SIPA1L1: variants seen among roughly 807,000 people sequenced by gnomAD.
SIPA1L1 encodes the protein signal induced proliferation associated 1 like 1, also known as signal-induced proliferation-associated 1-like protein 1.
Under a neutral mutation model 162.7 loss-of-function variants are expected in SIPA1L1, and 26 were observed. The observed-to-expected ratio is 0.16, with a 90% CI of 0.12 to 0.22. The LOEUF (loss-of-function observed/expected upper bound fraction) is 0.22, where lower values mean the gene tolerates loss of function less well. Among genes scored for constraint, SIPA1L1 ranks in the 10% least tolerant of loss-of-function variants. The pLI is 1.00. For missense variants in SIPA1L1, 1,874 were observed against 2,241.0 expected (o/e 0.84, Z 3.31); for synonymous variants, 829 against 837.4 (o/e 0.99, Z 0.17).
chr14:71,667,861 C>T (rs567626161), intron 10 of SIPA1L1, among the ~76,000 whole-genome samples: 5 of 152,072 alleles, frequency 3.3e-5, no homozygotes, highest in African/African-American at 7.2e-5. Context: ...GTCAGGAGAT[C>T]GAGACCATCC....
At chr14:71,595,499 C>T (rs2035928698) in intron 5 of SIPA1L1, among the ~76,000 whole-genome samples, 1 of 152,200 alleles carries the variant, frequency 6.6e-6, no homozygotes, top group African/African-American at 2.4e-5. Flanking sequence ...CATCTGCTTC[C>T]ACTTTCATCT....
At chr14:71,706,793 G>T (rs1261565905) in intron 16 of SIPA1L1, among the ~76,000 whole-genome samples, 3 of 152,160 alleles carry the variant, frequency 2.0e-5, no homozygotes, top group Admixed American at 1.3e-4. Flanking sequence ...TAGCACTTTG[G>T]AATGCCTAGG....
At chr14:71,583,556 C>A (rs988473814) in intron 4 of SIPA1L1, among the ~76,000 whole-genome samples, 1 of 152,060 alleles carries the variant, frequency 6.6e-6, no homozygotes, top group African/African-American at 2.4e-5. Context: ...CCCAACCCCA[C>A]CCCCTTCCCA....
At chr14:71,642,803 T>C (rs1158463895) in intron 7 of SIPA1L1, among the ~76,000 whole-genome samples, 1 of 152,114 alleles carries the variant, frequency 6.6e-6, no homozygotes, top group African/African-American at 2.4e-5. Context: ...GGAGGAAAGA[T>C]TGAACATTAA....
At chr14:71,352,645 T>C (rs1233837366) in intron 2 of SIPA1L1, among the ~76,000 whole-genome samples, 1 of 152,228 alleles carries the variant, frequency 6.6e-6, no homozygotes, top group Admixed American at 6.5e-5. Context: ...CTTCTGTCTC[T>C]AGCTAATGAG....
At chr14:71,586,006 A>G (rs145139357) in intron 4 of SIPA1L1, among the ~76,000 whole-genome samples, 1 of 152,234 alleles carries the variant, frequency 6.6e-6, no homozygotes, top group Non-Finnish European at 1.5e-5. Context: ...AAGTTCTGGA[A>G]TGTAAAGGGA....
intron 3 of SIPA1L1, among the ~76,000 whole-genome samples, chr14:71,516,311 A>G (rs1014671286): frequency 6.6e-6 from 1 of 152,260 alleles, no homozygotes; most frequent in African/African-American, 2.4e-5. Context: ...ACAAATTGAT[A>G]CACTCTACTT....
intron 1 of SIPA1L1, among the ~76,000 whole-genome samples, chr14:71,320,705 C>G (rs1418539501): frequency 2.1e-5 from 3 of 142,282 alleles, no homozygotes; most frequent in East Asian, 2.0e-4. Context: ...CCTCCTCATC[C>G]CCCCCCCGGC....
intron 5 of SIPA1L1, among the ~76,000 whole-genome samples, chr14:71,601,454 G>A (rs1257550159): frequency 1.3e-5 from 2 of 152,032 alleles, no homozygotes; most frequent in Non-Finnish European, 2.9e-5. Context: ...CTTGGTTATG[G>A]TGTATTATTT....
At chr14:71,586,245 A>G (rs1014953115) in intron 4 of SIPA1L1, 2 of 139,228 alleles carry the variant, frequency 1.4e-5, no homozygotes, top group African/African-American at 2.7e-5. Context: ...TTTTTTTTTG[A>G]AACACCCCTA....
chr14:71,624,242 T>G lies in SIPA1L1; in HGVS notation c.1818+6T>G. The G allele has an allele frequency of 3.1e-6, 5 of 1,604,374 alleles. No individual in the cohort carries two copies. The highest frequency in any genetic ancestry group is 4.3e-6 in the Non-Finnish European group (5 of 1,173,650). ...TGAAACTGGATGAACAAGGGGTGAG[T>G]TTGCCTTTCTGAGGAGAGCATTCTT... On this transcript the variant is annotated splice_donor_region_variant and intron_variant, in intron 7 of 23. Transcript: ENST00000381232.
At chr14:71,577,730 C>CTTTTTTTT (rs5809525) in intron 4 of SIPA1L1, among the ~76,000 whole-genome samples, 2 of 97,158 alleles carry the variant, frequency 2.1e-5, no homozygotes, top group African/African-American at 4.1e-5. Context: ...TTGGGCATGC[C>CTTTTTTTT]TTTTTTTTTT....
At chr14:71,392,058 A>G (rs1253415508) in intron 2 of SIPA1L1, among the ~76,000 whole-genome samples, 2 of 152,206 alleles carry the variant, frequency 1.3e-5, no homozygotes, top group Non-Finnish European at 2.9e-5. Context: ...GTTTGGAGGA[A>G]GAGTATCCAC....
chr14:71,696,135 G>C (rs570752428), intron 13 of SIPA1L1, among the ~76,000 whole-genome samples: 3 of 152,050 alleles, frequency 2.0e-5, no homozygotes, highest in Non-Finnish European at 4.4e-5. Flanking sequence ...CCTGCCCCAC[G>C]CATACACTAC....
At chr14:71,478,521 T>C (rs568153352) in intron 2 of SIPA1L1, among the ~76,000 whole-genome samples, 1 of 152,350 alleles carries the variant, frequency 6.6e-6, no homozygotes, top group South Asian at 2.1e-4. Flanking sequence ...TATTTTGAAT[T>C]AATATTTCTG....
intron 4 of SIPA1L1, among the ~76,000 whole-genome samples, chr14:71,577,050 T>C (rs2147170951): frequency 7.5e-6 from 1 of 133,908 alleles, no homozygotes; most frequent in Non-Finnish European, 1.5e-5. Flanking sequence ...GCTATTGCAC[T>C]CCAGCCTGGG....
chr14:71,508,579 A>G (rs1184982158), intron 2 of SIPA1L1, among the ~76,000 whole-genome samples: 5 of 152,252 alleles, frequency 3.3e-5, no homozygotes, highest in Non-Finnish European at 2.9e-5. Flanking sequence ...CATCCAGGGT[A>G]GAGAAGCCAG....
intron 2 of SIPA1L1, among the ~76,000 whole-genome samples, chr14:71,437,543 T>A (rs1011459991): frequency 1.3e-5 from 2 of 152,044 alleles, no homozygotes; most frequent in African/African-American, 4.8e-5. Context: ...CAAATTTTTG[T>A]ATTTTTGGTA....
In SIPA1L1 at chr14:71,413,476, G is replaced by A. The variant is rs541317834; in HGVS notation, c.-465+92295G>A. Among the ~76,000 whole-genome samples the A allele has an allele frequency of 6.6e-5, 10 of 152,306 alleles. No homozygotes were observed. In the East Asian group the frequency reaches 1.9e-3, roughly 29 times the overall value. ...GGCGGGGCATAGTGCAGTGGCTCAC[G>A]CCTGTAATCCCAGCATTTTGGGAGG... On this transcript the variant is annotated intron_variant, in intron 2 of 23. Transcript: ENST00000381232.
Sources: allele counts gnomAD v4.1 joint callset (sites outside exome capture counted in the v4.1 genomes callset), GRCh38; gene constraint gnomAD v4.1.1; transcripts MANE v1.5; gene names NCBI Gene and HGNC (gene_info 2026-07-23, HGNC 2026-07-21).